The following GPHN variants were observed in gnomAD, a reference collection of about 807,000 sequenced individuals.
The protein encoded by GPHN is gephyrin.
A neutral mutation model predicts 95.5 loss-of-function variants in GPHN; 17 were observed. The observed-to-expected ratio is 0.18, with a 90% CI of 0.12 to 0.27. The LOEUF is 0.27. Ranked by LOEUF, GPHN falls within the 10% of genes least tolerant of loss-of-function variation. The pLI, the probability that GPHN is intolerant of heterozygous loss-of-function variation, is 1.00. For missense variants in GPHN, 660 were observed against 978.1 expected, an observed-to-expected ratio of 0.67 and a Z score of 4.34; for synonymous variants, 320 against 322.5, an observed-to-expected ratio of 0.99 and a Z score of 0.08.
intron 5 of GPHN, among the ~76,000 whole-genome samples, chr14:66,914,141 A>T (rs924865836): frequency 2.0e-5 from 3 of 152,154 alleles, no homozygotes; most frequent in African/African-American, 7.2e-5. Context: ...ACATACACAC[A>T]CACAGAAAAA....
the GPHN span, among the ~76,000 whole-genome samples, chr14:67,192,960 A>G: frequency 2.7e-5 from 4 of 146,706 alleles, no homozygotes; most frequent in African/African-American, 4.9e-5. Context: ...CTATATATCT[A>G]TATATCGATA....
chr14:67,224,615 T>G, the GPHN span: 1 of 290,252 alleles, frequency 3.4e-6, no homozygotes, highest in Non-Finnish European at 6.7e-6. Context: ...TTATTCTCCT[T>G]AACTTTTAAA....
chr14:67,492,997 G>T, the GPHN span, among the ~76,000 whole-genome samples: 1 of 152,192 alleles, frequency 6.6e-6, no homozygotes, highest in Non-Finnish European at 1.5e-5. Flanking sequence ...GATGCTGGAA[G>T]GTGAGTCTTA....
intron 8 of GPHN, among the ~76,000 whole-genome samples, chr14:66,932,385 T>G (rs561196030): frequency 2.7e-5 from 4 of 149,144 alleles, no homozygotes; most frequent in Admixed American, 2.1e-4. Context: ...CTGCTGCTTG[T>G]GTTTACTGAA....
chr14:67,651,607 TAGC>T, the GPHN span: 1 of 1,010,444 alleles, frequency 9.9e-7, no homozygotes, highest in East Asian at 2.8e-5. Flanking sequence ...CACAGCCACT[TAGC>T]AGGAAGTACT....
chr14:67,059,556 C>T (rs551628857), intron 11 of GPHN, among the ~76,000 whole-genome samples: 1 of 152,114 alleles, frequency 6.6e-6, no homozygotes, highest in Non-Finnish European at 1.5e-5. Context: ...CTACAATGAA[C>T]AGTAGAGAGC....
chr14:66,888,066 G>T (rs933133650), intron 5 of GPHN, among the ~76,000 whole-genome samples: 1 of 152,088 alleles, frequency 6.6e-6, no homozygotes, highest in Non-Finnish European at 1.5e-5. Flanking sequence ...AAAGCAAAGA[G>T]AACAAGTTCT....
chr14:67,183,040 A>G (rs1490519766), downstream of GPHN, among the ~76,000 whole-genome samples: 2 of 152,036 alleles, frequency 1.3e-5, no homozygotes, highest in Non-Finnish European at 2.9e-5. Context: ...GGAAGGTAGA[A>G]TTTTGAAGAT....
the GPHN span, chr14:67,221,669 T>A: frequency 1.3e-6 from 2 of 1,512,814 alleles, no homozygotes; most frequent in Non-Finnish European, 1.8e-6. Context: ...GTTTCATTAC[T>A]ACCCACAGAG....
chr14:66,753,522 AT>A (rs767285099), intron 2 of GPHN, among the ~76,000 whole-genome samples: 5 of 147,518 alleles, frequency 3.4e-5, no homozygotes, highest in African/African-American at 1.3e-4. Context: ...AAAAAAAAAA[AT>A]TTTAAAGAAA....
the GPHN span, among the ~76,000 whole-genome samples, chr14:67,525,067 T>G: frequency 2.2e-4 from 33 of 152,178 alleles, no homozygotes; most frequent in Non-Finnish European, 4.4e-4. Context: ...TTTAAAACAT[T>G]TTAATAGCTT....
At chr14:67,569,258 T>C in the GPHN span, 1 of 1,403,684 alleles carries the variant, frequency 7.1e-7, no homozygotes, top group Non-Finnish European at 1.0e-6. Flanking sequence ...ACACCCAAGG[T>C]GGGCAGGGTG....
the GPHN span, chr14:67,615,988 CA>C: frequency 2.2e-4 from 65 of 293,716 alleles, 1 homozygote; most frequent in East Asian, 4.1e-3. Flanking sequence ...AAGTCTGATG[CA>C]GCCAAAAAGG....
the GPHN span, chr14:67,311,968 C>T: frequency 3.3e-5 from 5 of 152,586 alleles, no homozygotes; most frequent in Admixed American, 3.3e-4. Context: ...ATGACAGCCC[C>T]AGGGAAGCTC....
intron 18 of GPHN, among the ~76,000 whole-genome samples, chr14:67,147,451 A>G (rs75467763): frequency 0.012 from 1,834 of 152,368 alleles, 19 homozygotes; most frequent in Non-Finnish European, 0.018. Context: ...TCAGAATAGA[A>G]GATAAGTGAC....
At chr14:66,715,668 A>G (rs1411209872) in intron 2 of GPHN, among the ~76,000 whole-genome samples, 1 of 151,970 alleles carries the variant, frequency 6.6e-6, no homozygotes, top group Non-Finnish European at 1.5e-5. Context: ...AGAGGTTTTG[A>G]TAGGTTGTGT....
chr14:67,549,647 G>C, the GPHN span, among the ~76,000 whole-genome samples: 1 of 152,178 alleles, frequency 6.6e-6, no homozygotes, highest in South Asian at 2.1e-4. Flanking sequence ...CAGGAACCAT[G>C]TATGGATGAG....
intron 5 of GPHN, among the ~76,000 whole-genome samples, chr14:66,881,444 A>C (rs2063927593): frequency 6.6e-6 from 1 of 151,896 alleles, no homozygotes. Context: ...ATCAGGAAAG[A>C]ATTAAACTTC....
the GPHN span, among the ~76,000 whole-genome samples, chr14:67,260,612 A>T: frequency 1.3e-5 from 2 of 152,208 alleles, no homozygotes; most frequent in Non-Finnish European, 2.9e-5. Context: ...AGGATACTTG[A>T]TGGAAGAGGA....
Sources: allele counts gnomAD v4.1 joint callset (sites outside exome capture counted in the v4.1 genomes callset), GRCh38; gene constraint gnomAD v4.1.1; transcripts MANE v1.5; gene names NCBI Gene and HGNC (gene_info 2026-07-23, HGNC 2026-07-21).